NUDT9: variants seen among roughly 807,000 people sequenced by gnomAD.
NUDT9 encodes nudix hydrolase 9, also known as ADP-ribose pyrophosphatase.
In NUDT9, 31 loss-of-function variants were observed where a neutral mutation model predicts 41.0. The ratio of observed to expected loss-of-function variants is 0.76; its 90% CI spans 0.57 to 1.02. The LOEUF (loss-of-function observed/expected upper bound fraction) is 1.02. Among genes scored for constraint, NUDT9 ranks in the 50% least tolerant of loss-of-function variants. The probability of loss-of-function intolerance (pLI) is 0.00; values close to 1 mark genes in which losing one functional copy is unlikely to be tolerated. For missense variants in NUDT9, 380 were observed against 431.4 expected, an observed-to-expected ratio of 0.88 and a Z score of 1.06; for synonymous variants, 146 against 147.6, an observed-to-expected ratio of 0.99 and a Z score of 0.08.
At position 87,459,217 on chromosome 4, in the gene NUDT9, C is replaced by G. The variant is rs1723110761; in HGVS notation, c.*1196C>G. The G allele has an allele frequency of 6.6e-6, 1 of 152,148 alleles. No homozygotes were observed. Among genetic ancestry groups the G allele is most frequent in the Non-Finnish European group, 1.5e-5 (1 of 68,042 alleles). The allele number at this position is 152,148 out of a possible 1,614,324, so 9.4% of individuals were successfully genotyped here. On this transcript the variant is annotated 3_prime_UTR_variant, in exon 8 of 8. Coordinates refer to ENST00000302174, the MANE Select transcript of NUDT9 (RefSeq NM_024047.5). ...CAGAAAACCAAACACTGCATGTTCT[C>G]TTATAAGTGAGAGCTAAATGGTGAG...
At chr4:87,441,802 G>A in intron 3 of NUDT9, 27 bp from the exon 4 acceptor site, 1 of 1,581,814 alleles carries the variant, frequency 6.3e-7, no homozygotes, top group Non-Finnish European at 8.7e-7. Context: ...ACATTCAATT[G>A]ATTTTATGCT....
At chr4:87,450,887 C>T (rs143266578) in intron 5 of NUDT9, among the ~76,000 whole-genome samples, 2 of 152,158 alleles carry the variant, frequency 1.3e-5, no homozygotes, top group African/African-American at 4.8e-5. Context: ...ATTTTAGACA[C>T]TGAGAATACA....
intron 4 of NUDT9, chr4:87,445,228 T>G (rs1481150241): frequency 6.6e-6 from 1 of 151,972 alleles, no homozygotes; most frequent in Non-Finnish European, 1.5e-5. Context: ...AGATCTGACA[T>G]CTGAATCAGG....
At chr4:87,448,034 TA>T (rs200685072) in intron 4 of NUDT9, among the ~76,000 whole-genome samples, 663 of 134,304 alleles carry the variant, frequency 4.9e-3, no homozygotes, top group Non-Finnish European at 5.1e-3. Flanking sequence ...CCTGTCTTTT[TA>T]AAAAAAAAAA....
In NUDT9 at chr4:87,434,965, T is replaced by C. The variant is rs1721854504; in HGVS notation, c.108-16T>C. 1.3e-6 allele frequency: 2 copies of C among 1,594,154 alleles called. No homozygotes were observed. Among genetic ancestry groups the C allele is most frequent in the Non-Finnish European group, 8.5e-7 (1 of 1,171,926 alleles). On this transcript the variant is annotated splice_polypyrimidine_tract_variant and intron_variant, in intron 1 of 7. Coordinates refer to ENST00000302174, the MANE Select transcript of NUDT9 (RefSeq NM_024047.5). ...TTTTGGTATTTATGTAAAATGTTTT[T>C]CTTTTTCTCCCCCAGAAACTCGTTT...
chr4:87,444,825 G>C (rs776848613), intron 4 of NUDT9, among the ~76,000 whole-genome samples: 9 of 152,202 alleles, frequency 5.9e-5, no homozygotes, highest in Non-Finnish European at 8.8e-5. Flanking sequence ...AAGGCTTAGA[G>C]ATGGTCCGAG....
chr4:87,439,315 A>G (rs529841794), intron 3 of NUDT9, among the ~76,000 whole-genome samples: 3 of 152,196 alleles, frequency 2.0e-5, no homozygotes, highest in Non-Finnish European at 4.4e-5. Flanking sequence ...TTACATGGCA[A>G]CAGGTGACAG....
At chr4:87,429,027 G>T (rs1721558981) in intron 1 of NUDT9, among the ~76,000 whole-genome samples, 1 of 152,126 alleles carries the variant, frequency 6.6e-6, no homozygotes, top group Non-Finnish European at 1.5e-5. Flanking sequence ...TGCCTTTAGG[G>T]CAGTGAAACT....
intron 3 of NUDT9, among the ~76,000 whole-genome samples, chr4:87,440,539 GGT>G (rs985031506): frequency 3.9e-5 from 6 of 152,078 alleles, no homozygotes; most frequent in Non-Finnish European, 7.4e-5. Context: ...AGGGGTGTGT[GGT>G]TACATGGAAT....
At chr4:87,442,013 A>G (rs1722224205) in intron 4 of NUDT9, 98 bp downstream of exon 4, 2 of 753,524 alleles carry the variant, frequency 2.7e-6, no homozygotes, top group Non-Finnish European at 4.3e-6. Context: ...ACCTGTGTGT[A>G]TATACATATG....
At chr4:87,440,856 T>A (rs550835356) in intron 3 of NUDT9, among the ~76,000 whole-genome samples, 1,586 of 145,578 alleles carry the variant, frequency 0.011, 13 homozygotes, top group Non-Finnish European at 0.019. Context: ...AAAAAAAAAA[T>A]ATGTATATAT....
At chr4:87,447,924 C>T (rs1047726242) in intron 4 of NUDT9, among the ~76,000 whole-genome samples, 4 of 150,956 alleles carry the variant, frequency 2.6e-5, no homozygotes, top group African/African-American at 7.3e-5. Flanking sequence ...CCTAGCTACA[C>T]AGGAGGCTGA....
chr4:87,429,955 A>G (rs1023646847), intron 1 of NUDT9, among the ~76,000 whole-genome samples: 10 of 152,158 alleles, frequency 6.6e-5, no homozygotes, highest in African/African-American at 2.4e-4. Context: ...AAGTATGTCC[A>G]CATCCTGATA....
chr4:87,440,632 G>T (rs1722163576), intron 3 of NUDT9, among the ~76,000 whole-genome samples: 1 of 152,154 alleles, frequency 6.6e-6, no homozygotes, highest in Non-Finnish European at 1.5e-5. Context: ...TGGATCGTGA[G>T]GTCAGGAGTT....
At chr4:87,450,378 C>CTTTTTTTTTTTTTT (rs59228872) in intron 5 of NUDT9, among the ~76,000 whole-genome samples, 7 of 102,304 alleles carry the variant, frequency 6.8e-5, no homozygotes, top group South Asian at 3.3e-4. Context: ...TTTTCTTTTT[C>CTTTTTTTTTTTTTT]TTTTTTTTTT....
intron 2 of NUDT9, among the ~76,000 whole-genome samples, chr4:87,437,265 A>AAAAAG (rs1721980095): frequency 7.4e-6 from 1 of 134,644 alleles, no homozygotes; most frequent in African/African-American, 2.6e-5. Flanking sequence ...AAAAAAAAAA[A>AAAAAG]AAAGAAAGAA....
intron 3 of NUDT9, among the ~76,000 whole-genome samples, chr4:87,439,717 C>T (rs771768997): frequency 5.9e-5 from 9 of 152,102 alleles, no homozygotes; most frequent in Non-Finnish European, 1.2e-4. Flanking sequence ...ATCATGAGAA[C>T]AGCATGGAGA....
intron 2 of NUDT9, among the ~76,000 whole-genome samples, chr4:87,436,399 C>G (rs1721937103): frequency 6.6e-6 from 1 of 152,196 alleles, no homozygotes; most frequent in Non-Finnish European, 1.5e-5. Flanking sequence ...CAGCCTTGAT[C>G]TCCTGGGCTC....
At chr4:87,433,636 C>T (rs772442709) in intron 1 of NUDT9, among the ~76,000 whole-genome samples, 2 of 152,184 alleles carry the variant, frequency 1.3e-5, no homozygotes, top group Non-Finnish European at 2.9e-5. Context: ...ACCATGTCCT[C>T]AGAATCTCCT....
Sources: gnomAD v4.1 joint callset for allele counts (sites outside exome capture counted in the v4.1 genomes callset) on GRCh38, gnomAD v4.1.1 for gene constraint, MANE v1.5 for transcripts, NCBI Gene and HGNC (gene_info 2026-07-23, HGNC 2026-07-21) for gene names.